SAP30BP: variants seen among roughly 807,000 people sequenced by gnomAD.
SAP30BP encodes the protein SAP30 binding protein.
Under a neutral mutation model 46.3 loss-of-function variants are expected in SAP30BP, and 31 were observed. The ratio of observed to expected loss-of-function variants is 0.67; its 90% CI spans 0.50 to 0.90. SAP30BP has a LOEUF of 0.90. Ranked by LOEUF, SAP30BP falls within the 40% of genes least tolerant of loss-of-function variation. The pLI is 0.00. For synonymous variants in SAP30BP, 169 were observed against 144.2 expected, an observed-to-expected ratio of 1.17 and a Z score of -1.23; for missense variants, 312 against 391.0, an observed-to-expected ratio of 0.80 and a Z score of 1.70.
intron 3 of SAP30BP, among the ~76,000 whole-genome samples, chr17:75,677,033 A>G (rs2060000937): frequency 6.6e-6 from 1 of 152,102 alleles, no homozygotes; most frequent in Admixed American, 6.6e-5. Flanking sequence ...TCATTGCCCA[A>G]AATATTAAAG....
At chr17:75,700,743 G>A (rs1202135594) in intron 5 of SAP30BP, among the ~76,000 whole-genome samples, 2 of 152,112 alleles carry the variant, frequency 1.3e-5, no homozygotes, top group Non-Finnish European at 2.9e-5. Context: ...CCAGAATCAC[G>A]TCACCCTCCG....
intron 3 of SAP30BP, among the ~76,000 whole-genome samples, chr17:75,687,340 A>G: frequency 6.6e-6 from 1 of 152,166 alleles, no homozygotes; most frequent in South Asian, 2.1e-4. Flanking sequence ...GCAGGGCCAG[A>G]TGTGGTGGCT....
At chr17:75,691,188 T>C (rs2060236425) in intron 3 of SAP30BP, among the ~76,000 whole-genome samples, 1 of 152,122 alleles carries the variant, frequency 6.6e-6, no homozygotes, top group Admixed American at 6.5e-5. Flanking sequence ...ACTCTGGGCA[T>C]GCCATGCCCT....
At chr17:75,677,512 A>C (rs2060009854) in intron 3 of SAP30BP, among the ~76,000 whole-genome samples, 1 of 144,752 alleles carries the variant, frequency 6.9e-6, no homozygotes, top group Non-Finnish European at 1.5e-5. Context: ...AGCTCACTGC[A>C]GCCTTCACCT....
At chr17:75,693,832 G>A (rs1353885340) in intron 4 of SAP30BP, among the ~76,000 whole-genome samples, 5 of 152,172 alleles carry the variant, frequency 3.3e-5, no homozygotes, top group East Asian at 3.9e-4. Context: ...CCCCCTCTCC[G>A]CTGGCATATG....
intron 4 of SAP30BP, 80 bp downstream of exon 4, chr17:75,693,562 GC>G: frequency 1.5e-6 from 2 of 1,307,552 alleles, no homozygotes; most frequent in African/African-American, 1.5e-5. Flanking sequence ...CAGGCCTGCC[GC>G]CCCACAGGGC....
intron 5 of SAP30BP, among the ~76,000 whole-genome samples, chr17:75,700,952 G>A (rs1202691027): frequency 6.6e-6 from 1 of 152,204 alleles, no homozygotes; most frequent in African/African-American, 2.4e-5. Context: ...AGGAGACACA[G>A]CCAAGTCATC....
intron 3 of SAP30BP, chr17:75,692,878 T>G (rs1389786601): frequency 6.6e-6 from 1 of 152,264 alleles, no homozygotes; most frequent in East Asian, 1.9e-4. Context: ...GCATGCTTGC[T>G]CTGAGGTTCC....
At position 75,697,269 on chromosome 17, in the gene SAP30BP, G is replaced by A. The variant is rs571683649; in HGVS notation, c.308-2514G>A. On this transcript the variant is annotated intron_variant, in intron 4 of 10. Coordinates refer to ENST00000584667, the MANE Select transcript of SAP30BP (RefSeq NM_013260.8). ...AACCCTGCTTGTTTATGTGCCTAGC[G>A]CCTGCCAAGGCCCTCCTTGCTTTTG... is the stretch of plus-strand genomic sequence containing the variant. Among the ~76,000 whole-genome samples, 7 of 152,294 alleles carry A rather than the reference G, an allele frequency of 4.6e-5. No individual in the cohort carries two copies. The South Asian group carries it at 1.2e-3, about 27-fold the overall frequency.
intron 4 of SAP30BP, among the ~76,000 whole-genome samples, chr17:75,697,001 T>C (rs924157340): frequency 6.6e-6 from 1 of 152,012 alleles, no homozygotes; most frequent in Non-Finnish European, 1.5e-5. Flanking sequence ...ATGATCTCGA[T>C]CTCCTGACCT....
At position 75,698,888 on chromosome 17, in the gene SAP30BP, T is replaced by TA. The variant is rs1365738168; in HGVS notation, c.308-895_308-894insA. On this transcript the variant is annotated intron_variant, in intron 4 of 10. Coordinates refer to ENST00000584667, the MANE Select transcript of SAP30BP (RefSeq NM_013260.8). The stretch of plus-strand genomic sequence containing the variant: ...CATTTACCAGCACACTGCTGACTCT[T>TA]TCCTTAAAAGTTAACCATTGTGGGC... 3.2e-4 allele frequency among the ~76,000 whole-genome samples: 49 copies of TA among 152,204 alleles called. 1 individual carries two copies. Among genetic ancestry groups the TA allele is most frequent in the African/African-American group, 9.9e-4 (41 of 41,454 alleles).
intron 1 of SAP30BP, 37 bp downstream of exon 1, chr17:75,667,515 G>C: frequency 6.3e-7 from 1 of 1,587,716 alleles, no homozygotes; most frequent in South Asian, 1.1e-5. Context: ...GGGGAATCGG[G>C]TGTCTGCCCG....
chr17:75,679,017 G>A (rs530549038), intron 3 of SAP30BP, among the ~76,000 whole-genome samples: 8 of 141,478 alleles, frequency 5.7e-5, no homozygotes, highest in South Asian at 4.5e-4. Context: ...TTTTTGAGAC[G>A]GAGTCTCGTT....
chr17:75,700,845 A>G (rs542577524), intron 5 of SAP30BP, among the ~76,000 whole-genome samples: 1 of 152,348 alleles, frequency 6.6e-6, no homozygotes, highest in African/African-American at 2.4e-5. Flanking sequence ...TACAGTGCCA[A>G]TTGTGCCTCC....
intron 9 of SAP30BP, 89 bp downstream of exon 9, chr17:75,704,903 C>T (rs1318020453): frequency 4.8e-6 from 5 of 1,038,912 alleles, no homozygotes; most frequent in Non-Finnish European, 7.6e-6. Flanking sequence ...CCAGGCTGCC[C>T]CCAACCCTGG....
At chr17:75,674,842 C>T (rs2059966261) in intron 3 of SAP30BP, among the ~76,000 whole-genome samples, 1 of 150,892 alleles carries the variant, frequency 6.6e-6, no homozygotes, top group Admixed American at 6.6e-5. Context: ...GCTGGGACTA[C>T]AGGTGTGTGC....
intron 3 of SAP30BP, among the ~76,000 whole-genome samples, chr17:75,674,304 TA>T (rs1403198645): frequency 6.6e-6 from 1 of 152,110 alleles, no homozygotes; most frequent in East Asian, 1.9e-4. Flanking sequence ...TTATTTTATT[TA>T]TTTTTTTGAG....
At chr17:75,669,470 T>C (rs1463156011) in intron 2 of SAP30BP, among the ~76,000 whole-genome samples, 1 of 152,186 alleles carries the variant, frequency 6.6e-6, no homozygotes, top group East Asian at 1.9e-4. Flanking sequence ...CTCTAACTCC[T>C]GACCTCAGGT....
chr17:75,704,199 T>A (rs2060459428), intron 8 of SAP30BP, among the ~76,000 whole-genome samples: 1 of 152,122 alleles, frequency 6.6e-6, no homozygotes, highest in Non-Finnish European at 1.5e-5. Context: ...CAAGCTGAGG[T>A]TTGAAGAGGC....
Sources: allele counts gnomAD v4.1 joint callset (sites outside exome capture counted in the v4.1 genomes callset), GRCh38; gene constraint gnomAD v4.1.1; transcripts MANE v1.5; gene names NCBI Gene and HGNC (gene_info 2026-07-23, HGNC 2026-07-21).